The following CLUH variants were observed in gnomAD, a reference collection of about 807,000 sequenced individuals.
The protein encoded by CLUH is CLUH binding protein of NUMT mRNA.
Under a neutral mutation model 139.3 loss-of-function variants are expected in CLUH, and 77 were observed. The ratio of observed to expected loss-of-function variants is 0.55; its 90% confidence interval spans 0.46 to 0.67. The LOEUF is 0.67. Among genes scored for constraint, CLUH ranks in the 30% least tolerant of loss-of-function variants. The pLI is 0.00. For missense variants in CLUH, 1,876 were observed against 1,875.8 expected (o/e 1.00, Z 0.00); for synonymous variants, 999 against 801.6 (o/e 1.25, Z -4.16).
At chr17:2,692,170 C>G in intron 22 of CLUH, 73 bp from the exon 23 acceptor site, 9 of 1,483,118 alleles carry the variant, frequency 6.1e-6, no homozygotes, top group Non-Finnish European at 8.2e-6. Flanking sequence ...CTCGGGGGCC[C>G]GGGGTCTCCC....
rs1388536747 is a variant in CLUH at position 2,696,785 on chromosome 17, T to C, written c.2119A>G (p.Ser707Gly). The change falls in exon 11 of 26, where the codon AGC becomes GGC. Residue 707 changes from serine (S) to glycine (G), a missense_variant. Physicochemically the swap from Ser to Gly is moderately conservative, Grantham distance 56. Coordinates refer to ENST00000651024, the MANE Select transcript of CLUH (RefSeq NM_001366661.1). Reference sequence around the variant, plus strand: ...ACCTTGGCCAGGCCGCTGGCGCTGCTACCCTCCTCCTCACTTCCCGCCTCC... The same window carrying C: ...ACCTTGGCCAGGCCGCTGGCGCTGCCACCCTCCTCCTCACTTCCCGCCTCC... The part of the protein sequence containing the change: ...GQEAGSEEEG[S>G]SASGLAKVKE... 2 of 1,612,964 alleles carry C rather than the reference T, an allele frequency of 1.2e-6. No individual in the cohort carries two copies. The highest frequency in any genetic ancestry group is 1.3e-5 in the African/African-American group (1 of 74,948).
At position 2,696,816 on chromosome 17, in the gene CLUH, T is replaced by C. The variant is rs2069964790; in HGVS notation, c.2088A>G (p.Pro696=). The C allele has an allele frequency of 6.2e-7, 1 of 1,613,510 alleles. No individual in the cohort carries two copies. Among genetic ancestry groups the C allele is most frequent in the Non-Finnish European group, 8.5e-7 (1 of 1,179,870 alleles). ...SSLESKSEDP[P]GQEAGSEEEG... ...CCTCCTCACTTCCCGCCTCCTGTCC[T>C]GGAGGATCCTCAGACTTGGACTCCA... is the stretch of plus-strand genomic sequence containing the variant. Residue 696 remains proline (P), a synonymous_variant, in exon 11 of 26, where the codon CCA becomes CCG. Coordinates refer to ENST00000651024, the MANE Select transcript of CLUH (RefSeq NM_001366661.1).
intron 7 of CLUH, 99 bp downstream of exon 7, chr17:2,701,041 G>A: frequency 6.3e-7 from 1 of 1,585,114 alleles, no homozygotes; most frequent in Non-Finnish European, 8.6e-7. Flanking sequence ...GGGGGCCCAG[G>A]GCGGTTTCTT....
At chr17:2,700,317 T>G in intron 9 of CLUH, 65 bp downstream of exon 9, 199 of 1,472,462 alleles carry the variant, frequency 1.4e-4, no homozygotes, top group Non-Finnish European at 1.7e-4. Context: ...CTCCTCTCCA[T>G]GAGAAAACCC....
At chr17:2,700,116 C>A (rs939175897) in intron 9 of CLUH, among the ~76,000 whole-genome samples, 1 of 152,246 alleles carries the variant, frequency 6.6e-6, no homozygotes, top group African/African-American at 2.4e-5. Flanking sequence ...GGAAGCTGCA[C>A]GGCCCTGGAC....
At position 2,706,507 on chromosome 17, in the gene CLUH, C is replaced by CCTCT. The variant is rs896879406; in HGVS notation, c.101-1944_101-1943insAGAG. Among the ~76,000 whole-genome samples the CCTCT allele has an allele frequency of 5.3e-5, 8 of 152,090 alleles. No individual in the cohort carries two copies. The highest frequency in any genetic ancestry group is 1.9e-4 in the African/African-American group (8 of 41,406). ...AACTGTGCATGTCATGGCTCTCCACCCCACCCTCTCCAAGCCTGCAGTGGA... is the reference window on the plus strand; with the variant it reads ...AACTGTGCATGTCATGGCTCTCCACCCTCTCCACCCTCTCCAAGCCTGCAGTGGA... On this transcript the variant is annotated intron_variant, in intron 1 of 25. Coordinates refer to ENST00000651024, the MANE Select transcript of CLUH (RefSeq NM_001366661.1). The surrounding 1 kb of genome is among the most constrained non-coding windows in gnomAD (Gnocchi z 4.6).
chr17:2,692,118 G>C (rs773389188), intron 22 of CLUH, 21 bp from the exon 23 acceptor site: 2 of 1,583,914 alleles, frequency 1.3e-6, no homozygotes, highest in East Asian at 4.6e-5. Flanking sequence ...GCGCGGCGCG[G>C]GGCGAGGGAA....
rs1567593100 is a variant in CLUH, at chr17:2,701,470, CGGGGGCGGGTTCCATCCGCTCATGGT to C, written c.769_794del (p.Thr257GlyfsTer120). 1 of 1,613,658 alleles carries C rather than the reference CGGGGGCGGGTTCCATCCGCTCATGGT, an allele frequency of 6.2e-7. No individual in the cohort carries two copies. The highest frequency in any genetic ancestry group is 2.2e-5 in the East Asian group (1 of 44,884). The stretch of plus-strand genomic sequence containing the variant: ...GGTCCCCGTGCATCTTCCGGTTCCC[CGGGGGCGGGTTCCATCCGCTCATGGT>C]GAGTACTTTCAGGCACTGCAAGGGC... On this transcript the variant is annotated frameshift_variant, in exon 6 of 26. Coordinates refer to ENST00000651024, the MANE Select transcript of CLUH (RefSeq NM_001366661.1). LOFTEE classifies it high-confidence loss of function.
intron 16 of CLUH, 130 bp downstream of exon 16, chr17:2,694,727 C>G: frequency 7.2e-7 from 1 of 1,381,246 alleles, no homozygotes; most frequent in Non-Finnish European, 9.7e-7. Context: ...CCAGTGATCT[C>G]CACAGCTGCT....
Position 2,701,719 on chromosome 17 carries a change from T to C in CLUH, c.638A>G (p.Lys213Arg), listed in dbSNP as rs765939683. 1.3e-6 allele frequency: 2 copies of C among 1,570,916 alleles called. No individual in the cohort carries two copies. The highest frequency in any genetic ancestry group is 2.4e-5 in the South Asian group (2 of 84,120). ...GTCGATGGGGTCCATCTCCAAGCCCTTCTTCCGCTTCCCGCTGTCTGAGGG... is the reference window on the plus strand; with the variant it reads ...GTCGATGGGGTCCATCTCCAAGCCCCTCTTCCGCTTCCCGCTGTCTGAGGG... ...GDLGDSGKRK[K>R]GLEMDPIDCT... Residue 213 changes from lysine to arginine, a missense_variant, in exon 5 of 26, where the codon AAG becomes AGG. Around this residue, in one of 3 missense-constraint regions of CLUH, gnomAD observed 270 missense variants for 354.7 expected, o/e 0.76. Transcript: ENST00000651024.
chr17:2,694,834 CA>C, intron 16 of CLUH, 22 bp downstream of exon 16: 11 of 1,469,550 alleles, frequency 7.5e-6, no homozygotes, highest in East Asian at 2.5e-5. Flanking sequence ...CCACCCACCC[CA>C]CCGCCCCTGC....
Position 2,706,387 on chromosome 17 carries a change from G to A in CLUH, c.101-1823C>T, listed in dbSNP as rs2070351290. The stretch of plus-strand genomic sequence containing the variant: ...CAGAAAGGCTCGGAGCCTGGCCTAA[G>A]GTCAACCAAGTCAGAATGGGCCCCA... On this transcript the variant is annotated intron_variant, in intron 1 of 25. Transcript: ENST00000651024. This position sits in a 1 kb window ranked among gnomAD's most constrained non-coding sequence, Gnocchi z 4.6. Among the ~76,000 whole-genome samples the A allele has an allele frequency of 6.6e-6, 1 of 152,102 alleles. No individual in the cohort carries two copies. The highest frequency in any genetic ancestry group is 2.4e-5 in the African/African-American group (1 of 41,402).
Position 2,698,006 on chromosome 17 carries a change from C to G in CLUH, c.1851G>C (p.Val617=). The change falls in exon 10 of 26, where the codon GTG becomes GTC. Residue 617 remains valine (V), a synonymous_variant. Transcript: ENST00000651024. ...ATTCCTCAGGCAGCTCCTCGCCAGG[C>G]ACGGGCAGGAAGTTGAGGTCCGGGG... The part of the protein sequence containing the change: ...TFPPDLNFLP[V]PGEELPEECA... 1.9e-6 allele frequency: 3 copies of G among 1,600,612 alleles called. No individual in the cohort carries two copies. The highest frequency in any genetic ancestry group is 2.5e-6 in the Non-Finnish European group (3 of 1,177,644).
In CLUH at chr17:2,707,594, C is replaced by G; in HGVS notation, c.101-3030G>C. 1.0e-6 allele frequency: 1 copy of G among 985,400 alleles called. No individual in the cohort carries two copies. Among genetic ancestry groups the G allele is most frequent in the Non-Finnish European group, 1.2e-6 (1 of 829,894 alleles). 61.0% of individuals were successfully genotyped at this position (985,400 alleles called of 1,614,324 possible). A position where few individuals can be genotyped will look rare whatever the true frequency, so the allele number is the denominator to read the frequency against. On this transcript the variant is annotated intron_variant, in intron 1 of 25. Coordinates refer to ENST00000651024, the MANE Select transcript of CLUH (RefSeq NM_001366661.1). This position sits in a 1 kb window ranked among gnomAD's most constrained non-coding sequence, Gnocchi z 7.4. ...ACCCAGAATTTGGGGTACCTGGACC[C>G]CTCAAGATTGAGGGCCTAGGAGACT...
chr17:2,697,512 C>T (rs1383397801), intron 10 of CLUH, among the ~76,000 whole-genome samples: 1 of 152,152 alleles, frequency 6.6e-6, no homozygotes, highest in African/African-American at 2.4e-5. Context: ...TTGAGAGTTA[C>T]TCATGCTGTG....
At chr17:2,709,303 T>C (rs2070443080) in intron 1 of CLUH, among the ~76,000 whole-genome samples, 1 of 152,126 alleles carries the variant, frequency 6.6e-6, no homozygotes, top group South Asian at 2.1e-4. Flanking sequence ...AGCCCAGGGC[T>C]TCAGGGAAAG....
chr17:2,691,806 G>C lies in CLUH; in HGVS notation c.3744C>G (p.Asn1248Lys), dbSNP rs749262253. The change falls in exon 24 of 26, where the codon AAC becomes AAG. Residue 1248 changes from asparagine (N) to lysine (K), a missense_variant. Asn to Lys is a moderately conservative substitution (Grantham distance 94, BLOSUM62 0). This residue lies in a region of CLUH where 1,454 missense variants were observed against 1,384.4 expected (regional missense o/e 1.05). Coordinates refer to ENST00000651024, the MANE Select transcript of CLUH (RefSeq NM_001366661.1). ...QQAVALQRTMNEIYRNGSSAN... is the reference protein window; with the variant it reads ...QQAVALQRTMKEIYRNGSSAN... ...CGCTGGAGCCGTTGCGGTAGATCTC[G>C]TTCATGGTGCGCTGCAGGGCCACGG... 1 of 1,583,614 alleles carries C rather than the reference G, an allele frequency of 6.3e-7. No homozygotes were observed. The highest frequency in any genetic ancestry group is 8.6e-7 in the Non-Finnish European group (1 of 1,165,686).
intron 10 of CLUH, 122 bp downstream of exon 10, chr17:2,697,774 A>G: frequency 1.1e-6 from 1 of 949,788 alleles, no homozygotes. Context: ...GACTGTGGCT[A>G]GACGGAGCCC....
In CLUH at chr17:2,690,446, G is replaced by C; in HGVS notation, c.*148C>G. On this transcript the variant is annotated 3_prime_UTR_variant, in exon 26 of 26. Transcript: ENST00000651024. ...ACCTTCTGCGGGGCAGGCAGGCCAG[G>C]CTCCCAGGAGGACACGGGGGTGGGG... is the stretch of plus-strand genomic sequence containing the variant. The C allele has an allele frequency of 1.6e-6, 1 of 632,706 alleles. No individual in the cohort carries two copies. The highest frequency in any genetic ancestry group is 2.4e-6 in the Non-Finnish European group (1 of 417,778). The allele number at this position is 632,706 out of a possible 1,614,324, so 39.2% of individuals were successfully genotyped here. A position where few individuals can be genotyped will look rare whatever the true frequency, so the allele number is the denominator to read the frequency against.
Sources: gnomAD v4.1 joint callset for allele counts (sites outside exome capture counted in the v4.1 genomes callset) on GRCh38, gnomAD v4.1.1 for gene constraint, gnomAD v4.1.1 regional missense constraint, Gnocchi (gnomAD v3.1) non-coding constraint, MANE v1.5 for transcripts, NCBI Gene and HGNC (gene_info 2026-07-23, HGNC 2026-07-21) for gene names.